The following BCL2L13 variants were observed in gnomAD, a reference collection of about 807,000 sequenced individuals.
The protein encoded by BCL2L13 is bcl-2-like protein 13.
Under a neutral mutation model 25.8 loss-of-function variants are expected in BCL2L13, and 13 were observed. The ratio of observed to expected loss-of-function variants is 0.50; its 90% CI spans 0.33 to 0.80. The LOEUF (loss-of-function observed/expected upper bound fraction) is 0.80. Ranked by LOEUF, BCL2L13 falls within the 30% of genes least tolerant of loss-of-function variation. BCL2L13 has a pLI of 0.02. For synonymous variants in BCL2L13, 244 were observed against 230.3 expected (o/e 1.06, Z -0.54); for missense variants, 504 against 574.9 (o/e 0.88, Z 1.26).
intron 4 of BCL2L13, 60 bp downstream of exon 4, chr22:17,689,202 G>C: frequency 6.5e-7 from 1 of 1,544,264 alleles, no homozygotes; most frequent in Admixed American, 1.8e-5. Flanking sequence ...CTCTCATGCA[G>C]CACTGGATTG....
At chr22:17,671,283 A>G (rs1020667048) in intron 2 of BCL2L13, among the ~76,000 whole-genome samples, 18 of 151,334 alleles carry the variant, frequency 1.2e-4, no homozygotes, top group African/African-American at 4.1e-4. Flanking sequence ...AGTCCCAGCT[A>G]CTGGGAAGGC....
chr22:17,691,006 C>T (rs2060088390), intron 4 of BCL2L13, among the ~76,000 whole-genome samples: 1 of 151,804 alleles, frequency 6.6e-6, no homozygotes, highest in South Asian at 2.1e-4. Flanking sequence ...CCTCTCCACT[C>T]TTCTTTCTTT....
At chr22:17,704,266 A>T (rs1238798893) in intron 6 of BCL2L13, among the ~76,000 whole-genome samples, 1 of 151,934 alleles carries the variant, frequency 6.6e-6, no homozygotes, top group African/African-American at 2.4e-5. Context: ...TTGTATTTTT[A>T]GTAGAGATAG....
chr22:17,721,525 A>AATT (rs35602805), intron 6 of BCL2L13, among the ~76,000 whole-genome samples: 1 of 122,774 alleles, frequency 8.1e-6, no homozygotes, highest in Admixed American at 9.3e-5. Context: ...CTTATAAGAA[A>AATT]TTTTTTTTTT....
At chr22:17,706,787 C>T (rs774684300) in intron 6 of BCL2L13, 1 of 1,351,994 alleles carries the variant, frequency 7.4e-7, no homozygotes, top group Non-Finnish European at 9.8e-7. Flanking sequence ...CGTTAGAAGT[C>T]TGTCTGTCTC....
chr22:17,668,995 TAAAGA>T (rs1403159920), intron 2 of BCL2L13, among the ~76,000 whole-genome samples: 1 of 150,410 alleles, frequency 6.6e-6, no homozygotes, highest in African/African-American at 2.4e-5. Flanking sequence ...GGGTAATTTA[TAAAGA>T]AAAGAAGTTT....
intron 6 of BCL2L13, among the ~76,000 whole-genome samples, chr22:17,723,632 C>T (rs2061210707): frequency 6.6e-6 from 1 of 152,090 alleles, no homozygotes; most frequent in East Asian, 1.9e-4. Flanking sequence ...CTAATCTAAG[C>T]ACTATAAATA....
intron 2 of BCL2L13, among the ~76,000 whole-genome samples, chr22:17,658,696 C>CAAA (rs34033346): frequency 7.6e-5 from 8 of 104,910 alleles, no homozygotes; most frequent in African/African-American, 1.2e-4. Context: ...ACTCTGTCAC[C>CAAA]AAAAAAAAAA....
At chr22:17,684,642 C>T (rs1336148335) in intron 3 of BCL2L13, 1 of 453,424 alleles carries the variant, frequency 2.2e-6, no homozygotes, top group South Asian at 1.6e-5. Context: ...CGGCCCACCA[C>T]AACCTCCATC....
intron 6 of BCL2L13, among the ~76,000 whole-genome samples, chr22:17,720,865 T>C (rs760724652): frequency 6.6e-5 from 10 of 151,862 alleles, no homozygotes; most frequent in Non-Finnish European, 1.2e-4. Context: ...ATAAAAAGTT[T>C]TTAAAAATTG....
chr22:17,685,482 C>T (rs1393693536), intron 3 of BCL2L13, among the ~76,000 whole-genome samples: 1 of 152,082 alleles, frequency 6.6e-6, no homozygotes, highest in Non-Finnish European at 1.5e-5. Context: ...TCTCGGCCTC[C>T]CAGAGTGCTG....
At chr22:17,662,386 G>A (rs899516453) in intron 2 of BCL2L13, among the ~76,000 whole-genome samples, 3 of 152,206 alleles carry the variant, frequency 2.0e-5, no homozygotes, top group Non-Finnish European at 2.9e-5. Context: ...GCTGAGGCAG[G>A]AGAATGGCGT....
chr22:17,643,988 A>G (rs1295000297), intron 1 of BCL2L13, among the ~76,000 whole-genome samples: 1 of 151,314 alleles, frequency 6.6e-6, no homozygotes, highest in Non-Finnish European at 1.5e-5. Context: ...GGCTCACTGC[A>G]AACTCCGCTT....
At chr22:17,726,642 A>C in intron 6 of BCL2L13, 35 bp from the exon 7 acceptor site, 1 of 1,579,828 alleles carries the variant, frequency 6.3e-7, no homozygotes, top group Non-Finnish European at 8.6e-7. Context: ...AATAGTTACC[A>C]TTCTTTATTA....
rs5746469 is a variant in BCL2L13 at position 17,729,217 on chromosome 22, T to A, written c.*1683T>A. 1 of 152,166 alleles carries A rather than the reference T, an allele frequency of 6.6e-6. No homozygotes were observed. Among genetic ancestry groups the A allele is most frequent in the Non-Finnish European group, 1.5e-5 (1 of 68,026 alleles). The allele number at this position is 152,166 out of a possible 1,614,324, so 9.4% of individuals were successfully genotyped here. ...TCTCCCTAAAGCAATATTTAAAAATTGGTCAAAACAAGGTCTGGGAGTATG... is the reference window on the plus strand; with the variant it reads ...TCTCCCTAAAGCAATATTTAAAAATAGGTCAAAACAAGGTCTGGGAGTATG... On this transcript the variant is annotated 3_prime_UTR_variant, in exon 7 of 7. Transcript: ENST00000317582.
intron 2 of BCL2L13, among the ~76,000 whole-genome samples, chr22:17,679,470 ATGTTGGCCAGGC>A (rs2059671634): frequency 6.6e-6 from 1 of 151,666 alleles, no homozygotes; most frequent in Non-Finnish European, 1.5e-5. Flanking sequence ...GGATTTCACC[ATGTTGGCCAGGC>A]TGGTCTTGAA....
intron 2 of BCL2L13, among the ~76,000 whole-genome samples, chr22:17,678,233 A>G (rs2059631927): frequency 6.6e-6 from 1 of 152,070 alleles, no homozygotes; most frequent in Admixed American, 6.6e-5. Context: ...TATGTTGCGC[A>G]GGCTGTTCTT....
At position 17,727,063 on chromosome 22, in the gene BCL2L13, G is replaced by A; in HGVS notation, c.987G>A (p.Leu329=). Residue 329 remains leucine, a synonymous_variant, in exon 7 of 7, where the codon TTG becomes TTA. Transcript: ENST00000317582. ...AGGCTGCTGTGGCTTCTGTGGTCTT[G>A]CCAGCGCGGGAGCTGCAAGAGGCAC... ...MEEAAVASVV[L]PARELQEALP... 6.2e-7 allele frequency: 1 copy of A among 1,614,204 alleles called. No homozygotes were observed. The highest frequency in any genetic ancestry group is 8.5e-7 in the Non-Finnish European group (1 of 1,180,036).
rs1247623045 is a variant in BCL2L13, at chr22:17,727,402, A to T, written c.1326A>T (p.Arg442Ser). 11 of 1,613,994 alleles carry T rather than the reference A, an allele frequency of 6.8e-6. No individual in the cohort carries two copies. The South Asian group carries it at 1.2e-4, about 18-fold the overall frequency. The change falls in exon 7 of 7, where the codon AGA becomes AGT. Residue 442 changes from arginine (R) to serine (S), a missense_variant. Physicochemically the swap from Arg to Ser is moderately radical, Grantham distance 110. Transcript: ENST00000317582. Reference sequence around the variant, plus strand: ...TGCCGCCGTCTGAGGGCAAGTCTAGACTGTCCCCCGCCGGTGAGATGAAGC... The same window carrying T: ...TGCCGCCGTCTGAGGGCAAGTCTAGTCTGTCCCCCGCCGGTGAGATGAAGC... ...KPVPPSEGKSRLSPAGEMKPM... is the reference protein window; with the variant it reads ...KPVPPSEGKSSLSPAGEMKPM...
Sources: gnomAD v4.1 joint callset for allele counts (sites outside exome capture counted in the v4.1 genomes callset) on GRCh38, gnomAD v4.1.1 for gene constraint, MANE v1.5 for transcripts, NCBI Gene and HGNC (gene_info 2026-07-23, HGNC 2026-07-21) for gene names.